Variants in SLC35F4 observed in about 807,000 individuals in gnomAD.
SLC35F4 encodes the protein chromosome 14 open reading frame 36.
A neutral mutation model predicts 44.2 loss-of-function variants in SLC35F4; 24 were observed. That is an observed-to-expected ratio of 0.54 (90% CI 0.39 to 0.76). The LOEUF is 0.76. SLC35F4 is among the 30% of genes least tolerant of loss of function. SLC35F4 has a pLI of 0.00. For synonymous variants in SLC35F4, 238 were observed against 223.6 expected (o/e 1.06, Z -0.57); for missense variants, 562 against 586.1 (o/e 0.96, Z 0.42).
chr14:57,599,728 G>A (rs746459808), intron 1 of SLC35F4, among the ~76,000 whole-genome samples: 6 of 151,526 alleles, frequency 4.0e-5, no homozygotes, highest in Non-Finnish European at 7.4e-5. Context: ...CTTGAACCCC[G>A]GAGGTGGAGG....
intron 1 of SLC35F4, among the ~76,000 whole-genome samples, chr14:57,838,868 A>T (rs146655180): frequency 1.3e-5 from 2 of 152,228 alleles, no homozygotes; most frequent in Non-Finnish European, 2.9e-5. Flanking sequence ...AAATCAGTCC[A>T]TATGGCTGGA....
chr14:57,833,951 T>C (rs1884646500), intron 1 of SLC35F4, among the ~76,000 whole-genome samples: 1 of 152,254 alleles, frequency 6.6e-6, no homozygotes, highest in African/African-American at 2.4e-5. Context: ...GGAATCTTTT[T>C]GTTCCCTCTC....
At chr14:57,974,427 T>C (rs1881149520), downstream of SLC35F4, among the ~76,000 whole-genome samples, 1 of 152,216 alleles carries the variant, frequency 6.6e-6, no homozygotes, top group Non-Finnish European at 1.5e-5. Flanking sequence ...ATTCAAAAGA[T>C]GGGGAGTTAG....
chr14:57,781,221 GA>G (rs1438067151), intron 1 of SLC35F4, among the ~76,000 whole-genome samples: 1 of 151,492 alleles, frequency 6.6e-6, no homozygotes, highest in South Asian at 2.1e-4. Context: ...AATTTACAAG[GA>G]AAAAAACCCA....
chr14:57,640,401 G>C (rs1260187080), intron 1 of SLC35F4, among the ~76,000 whole-genome samples: 5 of 152,012 alleles, frequency 3.3e-5, no homozygotes, highest in Non-Finnish European at 7.4e-5. Flanking sequence ...AAAACTTCAA[G>C]CCAAGAGAAC....
At chr14:57,955,332 T>C (rs991693252) in intron 1 of SLC35F4, among the ~76,000 whole-genome samples, 2 of 152,194 alleles carry the variant, frequency 1.3e-5, no homozygotes, top group African/African-American at 4.8e-5. Context: ...CCACAGCCAG[T>C]ATCATACTGA....
intron 1 of SLC35F4, among the ~76,000 whole-genome samples, chr14:57,645,757 G>T (rs997336908): frequency 1.3e-5 from 2 of 151,174 alleles, no homozygotes; most frequent in Non-Finnish European, 3.0e-5. Flanking sequence ...TTGGCTGTAG[G>T]CTTGTCATAG....
intron 1 of SLC35F4, among the ~76,000 whole-genome samples, chr14:57,780,595 T>C (rs1235631457): frequency 6.6e-6 from 1 of 152,104 alleles, no homozygotes; most frequent in Non-Finnish European, 1.5e-5. Flanking sequence ...TGTTTTAAAA[T>C]TTCTATGGAA....
At chr14:57,772,454 T>C (rs1315704657) in intron 1 of SLC35F4, among the ~76,000 whole-genome samples, 1 of 152,202 alleles carries the variant, frequency 6.6e-6, no homozygotes, top group Admixed American at 6.5e-5. Flanking sequence ...GGGATTGGGC[T>C]TCTAGTGTAT....
chr14:57,736,678 T>C (rs2076472640), intron 1 of SLC35F4, among the ~76,000 whole-genome samples: 1 of 152,216 alleles, frequency 6.6e-6, no homozygotes, highest in Non-Finnish European at 1.5e-5. Context: ...CAAGTTATTA[T>C]CTGACCATGA....
At chr14:57,687,095 G>A (rs1259463395) in intron 1 of SLC35F4, among the ~76,000 whole-genome samples, 1 of 152,148 alleles carries the variant, frequency 6.6e-6, no homozygotes, top group African/African-American at 2.4e-5. Context: ...GCCTAGGAGA[G>A]AGGCCTCAGA....
In SLC35F4 at chr14:57,791,255, C is replaced by T. The variant is rs138739900; in HGVS notation, c.103+74468G>A. The stretch of plus-strand genomic sequence containing the variant: ...ATTCATCTGACAAAGGTCTAATATC[C>T]ACAGTCTACAGGGAAGTTAAACAAA... On this transcript the variant is annotated intron_variant, in intron 1 of 7. Transcript: ENST00000556826. Among the ~76,000 whole-genome samples the T allele has an allele frequency of 2.4e-3, 372 of 152,174 alleles. 1 individual carries two copies. The highest frequency in any genetic ancestry group is 8.1e-3 in the African/African-American group (335 of 41,506).
At chr14:57,876,216 A>AGGGCT (rs1017110739) in intron 1 of SLC35F4, among the ~76,000 whole-genome samples, 7 of 152,324 alleles carry the variant, frequency 4.6e-5, no homozygotes, top group African/African-American at 1.7e-4. Flanking sequence ...TTCACATAGC[A>AGGGCT]GGGCTGTTCC....
At chr14:57,951,720 A>C (rs948001593) in intron 1 of SLC35F4, among the ~76,000 whole-genome samples, 1 of 152,228 alleles carries the variant, frequency 6.6e-6, no homozygotes. Flanking sequence ...TGCTATAGCC[A>C]AACTGCCTCT....
chr14:57,746,895 T>C (rs1048025677), intron 1 of SLC35F4, among the ~76,000 whole-genome samples: 3 of 152,170 alleles, frequency 2.0e-5, no homozygotes, highest in African/African-American at 7.2e-5. Context: ...GGACCACATG[T>C]CTGGATTCAA....
rs1369014903 is a variant in SLC35F4, at chr14:57,964,978, A to G, written n.282+16935T>C. ...ATGATTAATGCTCCCATGGGGGAAA[A>G]AAAAAAAAAAAAAATATATATATAT... On this transcript the variant is annotated intron_variant and non_coding_transcript_variant, in intron 1 of 1. Transcript: ENST00000556568. Among the ~76,000 whole-genome samples the G allele has an allele frequency of 7.6e-4, 62 of 81,210 alleles. 1 individual carries two copies. The highest frequency in any genetic ancestry group is 5.0e-3 in the South Asian group (11 of 2,206). 53.3% of individuals were successfully genotyped at this position (81,210 alleles called of 152,430 possible).
intron 1 of SLC35F4, among the ~76,000 whole-genome samples, chr14:57,738,816 A>G (rs1339094374): frequency 6.9e-6 from 1 of 145,868 alleles, no homozygotes; most frequent in Non-Finnish European, 1.5e-5. Flanking sequence ...GTATATATAT[A>G]TGTAAATATA....
intron 1 of SLC35F4, among the ~76,000 whole-genome samples, chr14:57,879,221 G>A (rs900679230): frequency 5.3e-5 from 8 of 152,148 alleles, no homozygotes; most frequent in African/African-American, 1.9e-4. Context: ...TTTCAAGAAA[G>A]TATTTTGAGT....
intron 1 of SLC35F4, among the ~76,000 whole-genome samples, chr14:57,909,805 A>C (rs1889182357): frequency 6.6e-6 from 1 of 152,286 alleles, no homozygotes; most frequent in Non-Finnish European, 1.5e-5. Context: ...TTATGTGGAC[A>C]TAAGTTTTCA....
Sources: gnomAD v4.1 joint callset for allele counts (sites outside exome capture counted in the v4.1 genomes callset) on GRCh38, gnomAD v4.1.1 for gene constraint, MANE v1.5 for transcripts, NCBI Gene and HGNC (gene_info 2026-07-23, HGNC 2026-07-21) for gene names.